Variants in PCDHGB1 observed in about 807,000 individuals in gnomAD.
PCDHGB1 encodes the protein protocadherin gamma subfamily B, 1.
PCDHGB1 carries 34 observed loss-of-function variants against 56.6 expected under a neutral mutation model. The observed-to-expected ratio is 0.60, with a 90% CI of 0.46 to 0.80. PCDHGB1 has a LOEUF of 0.80. Ranked by LOEUF, PCDHGB1 falls within the 30% of genes least tolerant of loss-of-function variation. The pLI, the probability that PCDHGB1 is intolerant of heterozygous loss-of-function variation, is 0.00. For synonymous variants in PCDHGB1, 561 were observed against 505.9 expected, an observed-to-expected ratio of 1.11 and a Z score of -1.46; for missense variants, 1,278 against 1,204.6, an observed-to-expected ratio of 1.06 and a Z score of -0.90.
chr5:141,402,915 C>G (rs1232523303), intron 1 of PCDHGB1: 2 of 1,564,688 alleles, frequency 1.3e-6, no homozygotes, highest in Admixed American at 1.9e-5. Flanking sequence ...GCAGCGCGCA[C>G]AGAGATCCTT....
Position 141,489,752 on chromosome 5 carries a change from C to G in PCDHGB1, c.2410-5055C>G. ...GGCACCAATACTGTGAGCTTTTACA[C>G]TCTAAGCCCCAACAGCCACTTCTCT... On this transcript the variant is annotated intron_variant, in intron 1 of 3. Coordinates refer to ENST00000523390, the MANE Select transcript of PCDHGB1 (RefSeq NM_018922.3). This position sits in a 1 kb window ranked among gnomAD's most constrained non-coding sequence, Gnocchi z 4.5. The G allele has an allele frequency of 6.2e-7, 1 of 1,614,136 alleles. No individual in the cohort carries two copies. The highest frequency in any genetic ancestry group is 8.5e-7 in the Non-Finnish European group (1 of 1,179,972).
chr5:141,441,891 G>A, intron 1 of PCDHGB1: 1 of 348,040 alleles, frequency 2.9e-6, no homozygotes, highest in East Asian at 9.1e-5. Flanking sequence ...TCACCAAGGT[G>A]GTGGCTGTAG....
At chr5:141,425,640 C>G (rs2096886863) in intron 1 of PCDHGB1, among the ~76,000 whole-genome samples, 1 of 152,206 alleles carries the variant, frequency 6.6e-6, no homozygotes, top group Non-Finnish European at 1.5e-5. Flanking sequence ...TCTGATAAAA[C>G]TAGGAGGAAA....
At chr5:141,423,617 A>T (rs1426014397) in intron 1 of PCDHGB1, 3 of 1,608,486 alleles carry the variant, frequency 1.9e-6, no homozygotes, top group Admixed American at 1.7e-5. Flanking sequence ...ATAGCTGAAG[A>T]CTCAGCTATC....
In PCDHGB1 at chr5:141,485,417, G is replaced by A. The variant is rs1340790133; in HGVS notation, c.2410-9390G>A. The A allele has an allele frequency of 1.2e-6, 2 of 1,614,166 alleles. No homozygotes were observed. Among genetic ancestry groups the A allele is most frequent in the Non-Finnish European group, 8.5e-7 (1 of 1,180,038 alleles). ...ACACTTCCGTGTGGATTTGGACAGCGGAGCCCTGCTCATCAAGAACCCAAT... is the reference window on the plus strand; with the variant it reads ...ACACTTCCGTGTGGATTTGGACAGCAGAGCCCTGCTCATCAAGAACCCAAT... On this transcript the variant is annotated intron_variant, in intron 1 of 3. Coordinates refer to ENST00000523390, the MANE Select transcript of PCDHGB1 (RefSeq NM_018922.3). The surrounding 1 kb of genome is among the most constrained non-coding windows in gnomAD (Gnocchi z 5.7).
chr5:141,382,125 G>GC (rs1470370841), intron 1 of PCDHGB1, among the ~76,000 whole-genome samples: 4 of 151,872 alleles, frequency 2.6e-5, no homozygotes, highest in Non-Finnish European at 5.9e-5. Flanking sequence ...ACAGCACCTG[G>GC]CCCCCCCTCT....
At chr5:141,447,647 T>C (rs1338920727) in intron 1 of PCDHGB1, among the ~76,000 whole-genome samples, 1 of 152,092 alleles carries the variant, frequency 6.6e-6, no homozygotes, top group African/African-American at 2.4e-5. Flanking sequence ...GATGGTAGAA[T>C]TTTCCCCCCC....
At chr5:141,362,084 G>A (rs373978037) in intron 1 of PCDHGB1, 2 of 1,613,192 alleles carry the variant, frequency 1.2e-6, no homozygotes, top group Non-Finnish European at 1.7e-6. Flanking sequence ...CGTGATGGAG[G>A]ACAGCCGCCA....
In PCDHGB1 at chr5:141,384,747, CTT is replaced by C. The variant is rs1040265836; in HGVS notation, c.2409+32080_2409+32081del. Reference sequence around the variant, plus strand: ...TGCTTAAGGCCAGCGAGCCAGGACTCTTTGCGGTTGGGCTGTACACGGGCGAG... The same window carrying C: ...TGCTTAAGGCCAGCGAGCCAGGACTCTGCGGTTGGGCTGTACACGGGCGAG... On this transcript the variant is annotated intron_variant, in intron 1 of 3. Coordinates refer to ENST00000523390, the MANE Select transcript of PCDHGB1 (RefSeq NM_018922.3). 2.2e-5 allele frequency: 35 copies of C among 1,614,060 alleles called. No individual in the cohort carries two copies. In the Admixed American group the frequency reaches 3.5e-4, roughly 16 times the overall value.
In PCDHGB1 at chr5:141,414,978, C is replaced by T. The variant is rs757917979; in HGVS notation, c.2409+62309C>T. On this transcript the variant is annotated intron_variant, in intron 1 of 3. Coordinates refer to ENST00000523390, the MANE Select transcript of PCDHGB1 (RefSeq NM_018922.3). The stretch of plus-strand genomic sequence containing the variant: ...CCAAGGTGGTGGCGGTGGACAGAGA[C>T]TCCGGCCAGAACGCCTGGCTGTCCT... 8 of 1,613,878 alleles carry T rather than the reference C, an allele frequency of 5.0e-6. No individual in the cohort carries two copies. The South Asian group carries it at 8.8e-5, about 18-fold the overall frequency.
intron 1 of PCDHGB1, among the ~76,000 whole-genome samples, chr5:141,464,794 A>C (rs2154568597): frequency 6.6e-6 from 1 of 152,128 alleles, no homozygotes; most frequent in East Asian, 1.9e-4. Flanking sequence ...GCCAAATTGC[A>C]GTGATGCAGT....
At chr5:141,421,972 C>T (rs764728654) in intron 1 of PCDHGB1, 2 of 1,609,892 alleles carry the variant, frequency 1.2e-6, no homozygotes, top group African/African-American at 2.7e-5. Context: ...GTCCGTATAT[C>T]GCGTGAGTGT....
At position 141,384,238 on chromosome 5, in the gene PCDHGB1, G is replaced by A. The variant is rs1779876859; in HGVS notation, c.2409+31569G>A. ...ATTCATGCAGGTGGCAGACACCAAC[G>A]ATAACCCACCCACCTTCCCCCACTC... On this transcript the variant is annotated intron_variant, in intron 1 of 3. Coordinates refer to ENST00000523390, the MANE Select transcript of PCDHGB1 (RefSeq NM_018922.3). 1 of 1,613,838 alleles carries A rather than the reference G, an allele frequency of 6.2e-7. No individual in the cohort carries two copies. Among genetic ancestry groups the A allele is most frequent in the Non-Finnish European group, 8.5e-7 (1 of 1,179,886 alleles).
Position 141,431,559 on chromosome 5 carries a change from C to A in PCDHGB1, c.2410-63248C>A. On this transcript the variant is annotated intron_variant, in intron 1 of 3. Coordinates refer to ENST00000523390, the MANE Select transcript of PCDHGB1 (RefSeq NM_018922.3). The surrounding 1 kb of genome is among the most constrained non-coding windows in gnomAD (Gnocchi z 4.8). ...ACGCAGCTGCTTGTAGTCAACGCTA[C>A]CGACCCTGACGAAGGAGTCAATGCG... is the stretch of plus-strand genomic sequence containing the variant. 6.2e-7 allele frequency: 1 copy of A among 1,614,158 alleles called. No homozygotes were observed. The highest frequency in any genetic ancestry group is 8.5e-7 in the Non-Finnish European group (1 of 1,180,030).
chr5:141,498,002 C>T (rs1442305270), intron 2 of PCDHGB1, among the ~76,000 whole-genome samples: 2 of 152,178 alleles, frequency 1.3e-5, no homozygotes, highest in East Asian at 1.9e-4. Flanking sequence ...AAGGAGTTTA[C>T]AGTGCACTGA....
chr5:141,457,868 G>T lies in PCDHGB1; in HGVS notation c.2410-36939G>T, dbSNP rs1479066479. ...AAAGTGACATTCTTCACTGACCACA[G>T]GTTAGGAACCCTGTGTGGGGACTGT... On this transcript the variant is annotated intron_variant, in intron 1 of 3. Transcript: ENST00000523390. Among the ~76,000 whole-genome samples the T allele has an allele frequency of 2.0e-5, 3 of 152,346 alleles. No individual in the cohort carries two copies. In the East Asian group the frequency reaches 5.8e-4, roughly 29 times the overall value.
chr5:141,352,903 G>C (rs1759139944), intron 1 of PCDHGB1, among the ~76,000 whole-genome samples: 1 of 152,138 alleles, frequency 6.6e-6, no homozygotes, highest in South Asian at 2.1e-4. Flanking sequence ...CAGGAGGATC[G>C]CTTGAGCCCG....
intron 1 of PCDHGB1, chr5:141,388,717 C>T (rs544297444): frequency 2.5e-6 from 4 of 1,614,022 alleles, no homozygotes; most frequent in Non-Finnish European, 3.4e-6. Context: ...GCCGAGATTA[C>T]TTTCTCTTTC....
At chr5:141,422,729 C>G (rs1352451042) in intron 1 of PCDHGB1, 1 of 1,606,960 alleles carries the variant, frequency 6.2e-7, no homozygotes, top group South Asian at 1.1e-5. Flanking sequence ...CAGGGGGTGC[C>G]TCTGTCCTCC....
Sources: gnomAD v4.1 joint callset for allele counts (sites outside exome capture counted in the v4.1 genomes callset) on GRCh38, gnomAD v4.1.1 for gene constraint, Gnocchi (gnomAD v3.1) non-coding constraint, MANE v1.5 for transcripts, NCBI Gene and HGNC (gene_info 2026-07-23, HGNC 2026-07-21) for gene names.